Variants in RBPJ observed in about 807,000 individuals in gnomAD.
RBPJ encodes the protein recombining binding protein suppressor of hairless.
A neutral mutation model predicts 67.8 loss-of-function variants in RBPJ; 9 were observed. That is an observed-to-expected ratio of 0.13 (90% CI 0.08 to 0.23). The LOEUF (loss-of-function observed/expected upper bound fraction) is 0.23, where lower values mean the gene tolerates loss of function less well. RBPJ is among the 10% of genes least tolerant of loss of function. RBPJ has a pLI of 1.00. For missense variants in RBPJ, 305 were observed against 595.6 expected (o/e 0.51, Z 5.08); for synonymous variants, 198 against 203.3 (o/e 0.97, Z 0.22).
At chr4:26,226,026 G>A (rs11943495) in intron 1 of RBPJ, among the ~76,000 whole-genome samples, 12 of 151,862 alleles carry the variant, frequency 7.9e-5, no homozygotes, top group African/African-American at 2.7e-4. Context: ...GTGGTTGCCT[G>A]TAATCTCAGC....
At chr4:26,156,906 CAA>C in the RBPJ span, among the ~76,000 whole-genome samples, 33 of 148,134 alleles carry the variant, frequency 2.2e-4, no homozygotes, top group Non-Finnish European at 3.1e-4. Context: ...CTTGTCTCTA[CAA>C]AAAAAAAAAT....
chr4:26,158,981 C>CTCTG (rs1553843542), upstream of RBPJ, among the ~76,000 whole-genome samples: 1 of 137,278 alleles, frequency 7.3e-6, no homozygotes, highest in Non-Finnish European at 1.6e-5. Context: ...CTCTCTCTCT[C>CTCTG]TCAATTTAGT....
chr4:26,138,814 C>T, the RBPJ span, among the ~76,000 whole-genome samples: 1 of 152,210 alleles, frequency 6.6e-6, no homozygotes, highest in African/African-American at 2.4e-5. Flanking sequence ...GGCCTGAGGG[C>T]CAATCTTGCT....
At chr4:26,388,160 AT>A (rs536059371) in intron 2 of RBPJ, among the ~76,000 whole-genome samples, 1 of 151,482 alleles carries the variant, frequency 6.6e-6, no homozygotes, top group Non-Finnish European at 1.5e-5. Flanking sequence ...AAAACAGTAA[AT>A]TTTTTTTTGT....
intron 1 of RBPJ, among the ~76,000 whole-genome samples, chr4:26,210,499 A>G (rs1329995257): frequency 6.6e-6 from 1 of 152,166 alleles, no homozygotes; most frequent in Non-Finnish European, 1.5e-5. Flanking sequence ...TGTTAGTATT[A>G]TTTAAAAGAA....
upstream of RBPJ, among the ~76,000 whole-genome samples, chr4:26,315,186 ATATATATGTATG>A (rs1311417733): frequency 2.4e-5 from 3 of 123,440 alleles, no homozygotes; most frequent in African/African-American, 7.0e-5. Context: ...ATATATATAT[ATATATATGTATG>A]TATATACTGG....
At chr4:26,317,596 G>C (rs979427626), upstream of RBPJ, among the ~76,000 whole-genome samples, 1 of 152,162 alleles carries the variant, frequency 6.6e-6, no homozygotes, top group African/African-American at 2.4e-5. Context: ...AAGAAGGGAG[G>C]ACCAGTTAGG....
intron 1 of RBPJ, among the ~76,000 whole-genome samples, chr4:26,360,478 G>T (rs1727920678): frequency 6.6e-6 from 1 of 152,084 alleles, no homozygotes; most frequent in Non-Finnish European, 1.5e-5. Flanking sequence ...GTAAAGTGAT[G>T]ATAGGTTTAC....
Position 26,325,565 on chromosome 4 carries a change from C to T in RBPJ, c.20+4517C>T, listed in dbSNP as rs114373500. Among the ~76,000 whole-genome samples the T allele has an allele frequency of 6.2e-3, 937 of 152,330 alleles. 14 individuals carry two copies. Among genetic ancestry groups the T allele is most frequent in the African/African-American group, 0.021 (887 of 41,578 alleles). Reference sequence around the variant, plus strand: ...TCAATTGCAAGATAATTATTCCTAACTCAGAAAGTTGTTGTGAAGATTAAA... The same window carrying T: ...TCAATTGCAAGATAATTATTCCTAATTCAGAAAGTTGTTGTGAAGATTAAA... On this transcript the variant is annotated intron_variant, in intron 1 of 10. Coordinates refer to ENST00000355476, the MANE Select transcript of RBPJ (RefSeq NM_015874.6).
chr4:26,321,336 C>T (rs1221745621), intron 1 of RBPJ: 2 of 150,168 alleles, frequency 1.3e-5, no homozygotes, highest in Non-Finnish European at 3.0e-5. Flanking sequence ...GGCGCCGTGC[C>T]TCCCGCGCGC....
Position 26,428,874 on chromosome 4 carries a change from T to C in RBPJ, c.888+14T>C, listed in dbSNP as rs78178476. 1.4e-4 allele frequency: 219 copies of C among 1,586,968 alleles called. 1 individual carries two copies. The African/African-American group carries it at 2.6e-3, about 19-fold the overall frequency. Reference sequence around the variant, plus strand: ...ATTCAATTTCAGGTATGTTTTTAAATTACTGGTGAAATCTAAAATGTACAA... The same window carrying C: ...ATTCAATTTCAGGTATGTTTTTAAACTACTGGTGAAATCTAAAATGTACAA... On this transcript the variant is annotated intron_variant, in intron 8 of 10. Coordinates refer to ENST00000355476, the MANE Select transcript of RBPJ (RefSeq NM_015874.6).
In RBPJ at chr4:26,245,243, C is replaced by T. The variant is rs920534049; in HGVS notation, c.-167+81629C>T. ...TTTTTTTTTGAGTTGGAGTCTCACT[C>T]GCTCACACAGGCTGGAGTCCAGTGG... On this transcript the variant is annotated intron_variant, in intron 1 of 4. Coordinates refer to the RBPJ transcript ENST00000512351. 3.6e-5 allele frequency among the ~76,000 whole-genome samples: 5 copies of T among 137,282 alleles called. No homozygotes were observed. The East Asian group carries it at 1.1e-3, about 29-fold the overall frequency. The allele number at this position is 137,282 out of a possible 152,430, so 90.1% of individuals were successfully genotyped here.
upstream of RBPJ, chr4:26,320,560 A>T (rs1400221564): frequency 5.6e-6 from 3 of 532,318 alleles, no homozygotes; most frequent in Non-Finnish European, 9.7e-6. Context: ...CCGCTTGGAA[A>T]ACACCCATTG....
chr4:26,136,857 A>G, the RBPJ span, among the ~76,000 whole-genome samples: 2 of 152,182 alleles, frequency 1.3e-5, no homozygotes, highest in South Asian at 2.1e-4. Context: ...TGCCTGTCTC[A>G]TAGATGAGAA....
At chr4:26,174,560 C>A (rs1445996616) in intron 1 of RBPJ, among the ~76,000 whole-genome samples, 1 of 152,154 alleles carries the variant, frequency 6.6e-6, no homozygotes, top group Non-Finnish European at 1.5e-5. Context: ...ACCTCCGCCT[C>A]CCAGGTTCAA....
chr4:26,182,394 T>C (rs1041320279), intron 1 of RBPJ, among the ~76,000 whole-genome samples: 1 of 152,192 alleles, frequency 6.6e-6, no homozygotes, highest in Non-Finnish European at 1.5e-5. Context: ...GTAATAACAT[T>C]TAGCTTAAAA....
upstream of RBPJ, among the ~76,000 whole-genome samples, chr4:26,315,177 T>A (rs1460603396): frequency 4.4e-4 from 46 of 104,150 alleles, no homozygotes; most frequent in African/African-American, 1.3e-3. Flanking sequence ...AATATATATA[T>A]ATATATATAT....
At chr4:26,115,389 GT>G in the RBPJ span, among the ~76,000 whole-genome samples, 41 of 146,632 alleles carry the variant, frequency 2.8e-4, no homozygotes, top group East Asian at 4.0e-4. Context: ...GCCAGTATAA[GT>G]TTTTTTTTTT....
intron 1 of RBPJ, among the ~76,000 whole-genome samples, chr4:26,374,389 C>T (rs1024362694): frequency 6.6e-6 from 1 of 152,060 alleles, no homozygotes; most frequent in Admixed American, 6.5e-5. Context: ...CCCTCACTCA[C>T]ACTAAATCAG....
Sources: allele counts gnomAD v4.1 joint callset (sites outside exome capture counted in the v4.1 genomes callset), GRCh38; gene constraint gnomAD v4.1.1; transcripts MANE v1.5; gene names NCBI Gene and HGNC (gene_info 2026-07-23, HGNC 2026-07-21).